Variants in MAF observed in about 807,000 individuals in gnomAD.
MAF encodes the protein MAF bZIP transcription factor.
In MAF, 10 loss-of-function variants were observed where a neutral mutation model predicts 22.0. The ratio of observed to expected loss-of-function variants is 0.45; its 90% CI spans 0.28 to 0.77. The LOEUF is 0.77. Among genes scored for constraint, MAF ranks in the 30% least tolerant of loss-of-function variants. MAF has a pLI of 0.12. For missense variants in MAF, 544 were observed against 548.4 expected, an observed-to-expected ratio of 0.99 and a Z score of 0.08; for synonymous variants, 337 against 255.8, an observed-to-expected ratio of 1.32 and a Z score of -3.03.
chr16:79,414,666 C>G, the MAF span, among the ~76,000 whole-genome samples: 4 of 152,072 alleles, frequency 2.6e-5, no homozygotes, highest in South Asian at 2.1e-4. Flanking sequence ...GGAAGGAAAA[C>G]CAAAGTCTCA....
chr16:79,245,189 A>G, the MAF span, among the ~76,000 whole-genome samples: 19 of 152,206 alleles, frequency 1.2e-4, no homozygotes, highest in Non-Finnish European at 2.6e-4. Flanking sequence ...ACAAAAAGCC[A>G]TGGCAACAAA....
chr16:79,237,382 G>A, the MAF span, among the ~76,000 whole-genome samples: 1 of 152,092 alleles, frequency 6.6e-6, no homozygotes, highest in Admixed American at 6.6e-5. Context: ...AAGGGTTTTG[G>A]AACAACTTAA....
At chr16:79,295,495 T>A in the MAF span, among the ~76,000 whole-genome samples, 45 of 152,364 alleles carry the variant, frequency 3.0e-4, no homozygotes, top group East Asian at 8.1e-3. Context: ...CACATTTGGT[T>A]GGCCAAAACT....
the MAF span, among the ~76,000 whole-genome samples, chr16:79,293,635 A>G: frequency 6.6e-6 from 1 of 152,150 alleles, no homozygotes; most frequent in South Asian, 2.1e-4. Context: ...CTGGCCTGCT[A>G]TTCCAGAACT....
At chr16:79,257,767 T>A in the MAF span, among the ~76,000 whole-genome samples, 2 of 152,188 alleles carry the variant, frequency 1.3e-5, no homozygotes, top group African/African-American at 4.8e-5. Flanking sequence ...TGAGCTAGAA[T>A]CATGTTCAAG....
At chr16:79,282,094 A>G in the MAF span, among the ~76,000 whole-genome samples, 1 of 152,078 alleles carries the variant, frequency 6.6e-6, no homozygotes, top group South Asian at 2.1e-4. Context: ...CGAGGTCAGG[A>G]GTTCGAGACC....
chr16:79,367,283 T>A, the MAF span, among the ~76,000 whole-genome samples: 1 of 152,222 alleles, frequency 6.6e-6, no homozygotes, highest in Non-Finnish European at 1.5e-5. Flanking sequence ...AATGATACCC[T>A]TGCTATTGAT....
chr16:79,379,439 G>T, the MAF span, among the ~76,000 whole-genome samples: 2 of 152,146 alleles, frequency 1.3e-5, no homozygotes, highest in South Asian at 4.1e-4. Flanking sequence ...GTATTTCTAA[G>T]ATCTGGGCAG....
chr16:79,345,958 A>G, the MAF span, among the ~76,000 whole-genome samples: 2 of 151,918 alleles, frequency 1.3e-5, no homozygotes, highest in Non-Finnish European at 2.9e-5. Flanking sequence ...AATTTGATCA[A>G]TTTCATTCTG....
the MAF span, among the ~76,000 whole-genome samples, chr16:79,209,582 C>T: frequency 6.6e-6 from 1 of 152,178 alleles, no homozygotes; most frequent in African/African-American, 2.4e-5. Flanking sequence ...TGGCAAGTCA[C>T]TTGGCCACTC....
chr16:79,264,517 C>G, the MAF span: 4 of 152,252 alleles, frequency 2.6e-5, no homozygotes, highest in Non-Finnish European at 4.4e-5. Context: ...TAAGCAGGGT[C>G]AGGCCTGGTT....
chr16:79,426,809 A>AG, the MAF span, among the ~76,000 whole-genome samples: 1 of 152,248 alleles, frequency 6.6e-6, no homozygotes, highest in South Asian at 2.1e-4. Flanking sequence ...GTCTGTTAGC[A>AG]GGAAGGCTGG....
chr16:79,327,320 C>A, the MAF span, among the ~76,000 whole-genome samples: 3 of 152,124 alleles, frequency 2.0e-5, no homozygotes, highest in Non-Finnish European at 4.4e-5. Flanking sequence ...CTGGGTAGTT[C>A]TCTCACAATG....
chr16:79,523,888 T>C, the MAF span, among the ~76,000 whole-genome samples: 3 of 152,220 alleles, frequency 2.0e-5, no homozygotes, highest in African/African-American at 2.4e-5. Context: ...ATTCTTTCAA[T>C]GTAGAGGGAA....
At chr16:79,325,871 T>C in the MAF span, among the ~76,000 whole-genome samples, 1 of 152,118 alleles carries the variant, frequency 6.6e-6, no homozygotes, top group African/African-American at 2.4e-5. Flanking sequence ...ACGGCCCCAG[T>C]CTAGGCAAAT....
the MAF span, among the ~76,000 whole-genome samples, chr16:79,224,600 T>C: frequency 6.6e-6 from 1 of 152,158 alleles, no homozygotes; most frequent in Non-Finnish European, 1.5e-5. Context: ...TGATTGCATA[T>C]TTAGAAAACC....
the MAF span, among the ~76,000 whole-genome samples, chr16:79,292,040 A>T: frequency 1.3e-5 from 2 of 152,090 alleles, no homozygotes; most frequent in Admixed American, 1.3e-4. Flanking sequence ...ATGACATCTT[A>T]AAGGTATATA....
the MAF span, among the ~76,000 whole-genome samples, chr16:79,385,278 A>G: frequency 1.3e-5 from 2 of 152,246 alleles, no homozygotes; most frequent in African/African-American, 4.8e-5. Flanking sequence ...AATCAATTTA[A>G]CTTATAAAGG....
At chr16:79,279,250 G>A in the MAF span, among the ~76,000 whole-genome samples, 1 of 152,114 alleles carries the variant, frequency 6.6e-6, no homozygotes, top group Non-Finnish European at 1.5e-5. Flanking sequence ...GTCCTAGTCA[G>A]CTCTCCATTG....
Sources: allele counts gnomAD v4.1 joint callset (sites outside exome capture counted in the v4.1 genomes callset), GRCh38; gene constraint gnomAD v4.1.1; transcripts MANE v1.5; gene names NCBI Gene and HGNC (gene_info 2026-07-23, HGNC 2026-07-21).